MARCHF1: variants seen among roughly 807,000 people sequenced by gnomAD.
MARCHF1 encodes E3 ubiquitin-protein ligase MARCHF1.
In MARCHF1, 40 loss-of-function variants were observed where a neutral mutation model predicts 54.2. The ratio of observed to expected loss-of-function variants is 0.74; its 90% CI spans 0.57 to 0.96. MARCHF1 has a LOEUF of 0.96. MARCHF1 is among the 40% of genes least tolerant of loss of function. MARCHF1 has a pLI of 0.00. For missense variants in MARCHF1, 586 were observed against 656.5 expected (o/e 0.89, Z 1.17); for synonymous variants, 236 against 236.3 (o/e 1.00, Z 0.01).
intron 3 of MARCHF1, among the ~76,000 whole-genome samples, chr4:163,890,923 T>C (rs1750648139): frequency 6.6e-6 from 1 of 152,002 alleles, no homozygotes; most frequent in Non-Finnish European, 1.5e-5. Flanking sequence ...TATAAAAAAC[T>C]AGTGCCTAAA....
chr4:163,805,910 T>C (rs1394021438), intron 4 of MARCHF1, among the ~76,000 whole-genome samples: 1 of 152,164 alleles, frequency 6.6e-6, no homozygotes, highest in African/African-American at 2.4e-5. Flanking sequence ...ACTCAAGGAT[T>C]CTCCTTCTTT....
intron 4 of MARCHF1, among the ~76,000 whole-genome samples, chr4:163,704,175 C>G (rs1744885851): frequency 6.6e-6 from 1 of 151,072 alleles, no homozygotes; most frequent in African/African-American, 2.4e-5. Flanking sequence ...CTTACAGAGA[C>G]CACTAATCTG....
At chr4:163,759,107 C>CTT (rs76996625) in intron 4 of MARCHF1, among the ~76,000 whole-genome samples, 1 of 147,566 alleles carries the variant, frequency 6.8e-6, no homozygotes, top group Non-Finnish European at 1.5e-5. Context: ...TTAATATTCA[C>CTT]TTTTTTTTTT....
chr4:164,081,941 C>G (rs1009544000), intron 2 of MARCHF1, among the ~76,000 whole-genome samples: 2 of 151,622 alleles, frequency 1.3e-5, no homozygotes, highest in African/African-American at 4.9e-5. Context: ...CAGACATAAT[C>G]TAAGGACACT....
chr4:164,231,342 T>G (rs1026293097), intron 1 of MARCHF1, among the ~76,000 whole-genome samples: 2 of 152,168 alleles, frequency 1.3e-5, no homozygotes, highest in Non-Finnish European at 2.9e-5. Context: ...TTTCTATTGA[T>G]AGAGAAATGG....
intron 5 of MARCHF1, among the ~76,000 whole-genome samples, chr4:163,617,945 T>C (rs1405159492): frequency 6.6e-6 from 1 of 152,130 alleles, no homozygotes; most frequent in East Asian, 1.9e-4. Context: ...TCTGAACAAA[T>C]GTATGTTTTA....
chr4:163,733,225 G>GTATATATATATACACACA (rs1561047100), intron 4 of MARCHF1, among the ~76,000 whole-genome samples: 1 of 13,020 alleles, frequency 7.7e-5, no homozygotes, highest in African/African-American at 2.0e-4. Context: ...ATATATACAC[G>GTATATATATATACACACA]TGTATATATA....
chr4:163,773,304 A>G (rs1425263197), intron 4 of MARCHF1, among the ~76,000 whole-genome samples: 1 of 152,200 alleles, frequency 6.6e-6, no homozygotes, highest in Non-Finnish European at 1.5e-5. Flanking sequence ...CCAGGTTACC[A>G]CCAGGCTCAG....
intron 1 of MARCHF1, among the ~76,000 whole-genome samples, chr4:164,282,643 T>C (rs1486608630): frequency 6.6e-6 from 1 of 151,208 alleles, no homozygotes; most frequent in African/African-American, 2.4e-5. Context: ...GCCAGAATGC[T>C]TTTTGTTCCA....
chr4:164,363,668 A>G (rs1475895547), intron 1 of MARCHF1, among the ~76,000 whole-genome samples: 1 of 152,164 alleles, frequency 6.6e-6, no homozygotes, highest in Admixed American at 6.6e-5. Flanking sequence ...AAGTGGATCA[A>G]CTGGTCCCTT....
At chr4:164,336,521 A>G (rs557079770) in intron 1 of MARCHF1, among the ~76,000 whole-genome samples, 1 of 152,334 alleles carries the variant, frequency 6.6e-6, no homozygotes, top group South Asian at 2.1e-4. Flanking sequence ...GCAAATATTC[A>G]TATTTTAAAA....
chr4:164,110,005 T>G (rs2111179661), intron 2 of MARCHF1, among the ~76,000 whole-genome samples: 1 of 151,382 alleles, frequency 6.6e-6, no homozygotes, highest in South Asian at 2.1e-4. Context: ...TTGCCATTGT[T>G]CACACTTAGG....
At chr4:163,725,877 T>A (rs1745637465) in intron 4 of MARCHF1, among the ~76,000 whole-genome samples, 1 of 152,234 alleles carries the variant, frequency 6.6e-6, no homozygotes, top group South Asian at 2.1e-4. Flanking sequence ...TTTTGTTAAT[T>A]TTTACTAAAC....
At position 163,890,136 on chromosome 4, in the gene MARCHF1, G is replaced by C. The variant is rs28439140; in HGVS notation, c.-38-35967C>G. 2.7e-5 allele frequency among the ~76,000 whole-genome samples: 4 copies of C among 146,934 alleles called. 1 individual carries two copies. Among genetic ancestry groups the C allele is most frequent in the African/African-American group, 1.0e-4 (4 of 39,330 alleles). On this transcript the variant is annotated intron_variant, in intron 3 of 9. Coordinates refer to ENST00000514618, the MANE Select transcript of MARCHF1 (RefSeq NM_001394959.1). ...TTTTTAGTAGAGACAGGGTTTCACC[G>C]TGTTAGCCAGGATGGTCTCGATCTC...
chr4:164,158,501 T>A (rs943993963), intron 1 of MARCHF1, among the ~76,000 whole-genome samples: 1 of 151,886 alleles, frequency 6.6e-6, no homozygotes, highest in African/African-American at 2.4e-5. Flanking sequence ...GTCAGCCAAG[T>A]GTGGTGACGG....
rs575859369 is a variant in MARCHF1 at position 163,594,059 on chromosome 4, G to A, written c.1011-8130C>T. On this transcript the variant is annotated intron_variant, in intron 7 of 9. Transcript: ENST00000514618. Reference sequence around the variant, plus strand: ...AGACAGGATACATTTAAAATGGGATGTGTGCCATGTCAAGTGCTGTTGTAT... The same window carrying A: ...AGACAGGATACATTTAAAATGGGATATGTGCCATGTCAAGTGCTGTTGTAT... 2.6e-5 allele frequency among the ~76,000 whole-genome samples: 4 copies of A among 152,260 alleles called. No individual in the cohort carries two copies. The South Asian group carries it at 8.3e-4, about 32-fold the overall frequency.
chr4:163,881,172 G>A (rs79913690), intron 3 of MARCHF1, among the ~76,000 whole-genome samples: 20 of 152,136 alleles, frequency 1.3e-4, no homozygotes, highest in African/African-American at 3.1e-4. Flanking sequence ...GTCAAGTACA[G>A]AGAATAAAAT....
At chr4:164,073,465 G>A (rs1385960878) in intron 2 of MARCHF1, among the ~76,000 whole-genome samples, 8 of 152,102 alleles carry the variant, frequency 5.3e-5, no homozygotes, top group East Asian at 3.9e-4. Context: ...ATGGACACAC[G>A]GAGGGGAACA....
intron 1 of MARCHF1, among the ~76,000 whole-genome samples, chr4:164,149,244 T>G (rs905351655): frequency 6.6e-6 from 1 of 152,186 alleles, no homozygotes; most frequent in Non-Finnish European, 1.5e-5. Context: ...GTCAGCCAAA[T>G]AAACCTCTTT....
Sources: gnomAD v4.1 joint callset for allele counts (sites outside exome capture counted in the v4.1 genomes callset) on GRCh38, gnomAD v4.1.1 for gene constraint, MANE v1.5 for transcripts, NCBI Gene and HGNC (gene_info 2026-07-23, HGNC 2026-07-21) for gene names.